Variants in PLBD1 observed in about 807,000 individuals in gnomAD.
PLBD1 encodes the protein phospholipase B domain containing 1.
A neutral mutation model predicts 63.0 loss-of-function variants in PLBD1; 60 were observed. The ratio of observed to expected loss-of-function variants is 0.95; its 90% CI spans 0.77 to 1.18. The LOEUF is 1.18. Among genes scored for constraint, PLBD1 ranks in the 50% most tolerant of loss-of-function variants. The pLI is 0.00. For missense variants in PLBD1, 598 were observed against 677.9 expected (o/e 0.88, Z 1.31); for synonymous variants, 262 against 248.0 (o/e 1.06, Z -0.53).
intron 1 of PLBD1, among the ~76,000 whole-genome samples, chr12:14,558,146 T>C (rs1945721062): frequency 6.6e-6 from 1 of 151,500 alleles, no homozygotes. Context: ...GGCTCGGTGA[T>C]AGGCTGGGGC....
intron 6 of PLBD1, among the ~76,000 whole-genome samples, chr12:14,518,231 G>A (rs777937466): frequency 6.6e-6 from 1 of 152,124 alleles, no homozygotes. Context: ...ACAGTGTCAG[G>A]GACAGAGCCA....
Position 14,567,734 on chromosome 12 carries a change from G to C in PLBD1, c.-38C>G. On this transcript the variant is annotated 5_prime_UTR_variant, in exon 1 of 11. Coordinates refer to ENST00000240617, the MANE Select transcript of PLBD1 (RefSeq NM_024829.6). ...GCGACCTTCCTCTGCGGGATCAGGC[G>C]GCCGCGGTGGCCCGCGGTGGCAGAA... 1 of 1,387,122 alleles carries C rather than the reference G, an allele frequency of 7.2e-7. No individual in the cohort carries two copies. Among genetic ancestry groups the C allele is most frequent in the Non-Finnish European group, 9.2e-7 (1 of 1,082,532 alleles). 85.9% of individuals were successfully genotyped at this position (1,387,122 alleles called of 1,614,324 possible).
At chr12:14,509,495 A>C (rs952219651) in intron 8 of PLBD1, among the ~76,000 whole-genome samples, 1 of 151,320 alleles carries the variant, frequency 6.6e-6, no homozygotes, top group African/African-American at 2.5e-5. Context: ...TTTTCCTAAC[A>C]AGCAAAGAAG....
At chr12:14,564,488 G>A (rs960957267) in intron 1 of PLBD1, among the ~76,000 whole-genome samples, 7 of 152,204 alleles carry the variant, frequency 4.6e-5, no homozygotes, top group Non-Finnish European at 1.0e-4. Context: ...ATGCCTACCA[G>A]GAGACAGACA....
intron 6 of PLBD1, chr12:14,530,155 C>T (rs1945448175): frequency 6.6e-6 from 1 of 152,222 alleles, no homozygotes; most frequent in South Asian, 2.1e-4. Context: ...AGCCAGGGGT[C>T]TTGCCATGAA....
rs549131888 is a variant in PLBD1 at position 14,513,576 on chromosome 12, G to A, written c.845-1865C>T. Among the ~76,000 whole-genome samples, 10 of 152,292 alleles carry A rather than the reference G, an allele frequency of 6.6e-5. No individual in the cohort carries two copies. In the South Asian group the frequency reaches 2.1e-3, roughly 32 times the overall value. The stretch of plus-strand genomic sequence containing the variant: ...CCGGAGGTAAGAGCATGGACTGGGA[G>A]TCAGAAGACCTGCATTTTAGTTTCC... On this transcript the variant is annotated intron_variant, in intron 6 of 10. Transcript: ENST00000240617.
intron 2 of PLBD1, among the ~76,000 whole-genome samples, chr12:14,550,446 GT>G (rs1347545702): frequency 5.9e-5 from 9 of 152,142 alleles, no homozygotes; most frequent in Non-Finnish European, 1.2e-4. Context: ...TGACTTATAC[GT>G]GTCAACTTTT....
intron 6 of PLBD1, among the ~76,000 whole-genome samples, chr12:14,519,394 G>A (rs1362213844): frequency 1.3e-5 from 2 of 152,130 alleles, no homozygotes; most frequent in East Asian, 3.9e-4. Flanking sequence ...GCCGAGGCAG[G>A]TGGATCATGA....
At chr12:14,556,050 G>A (rs1270262464) in intron 1 of PLBD1, among the ~76,000 whole-genome samples, 1 of 152,188 alleles carries the variant, frequency 6.6e-6, no homozygotes, top group African/African-American at 2.4e-5. Flanking sequence ...ATGGAGAAAG[G>A]AAATGGTAAA....
At chr12:14,505,902 A>C (rs1051263711) in intron 10 of PLBD1, among the ~76,000 whole-genome samples, 4 of 152,240 alleles carry the variant, frequency 2.6e-5, no homozygotes, top group African/African-American at 9.6e-5. Context: ...AGAACAACAT[A>C]TGAGGTAAGT....
intron 2 of PLBD1, among the ~76,000 whole-genome samples, chr12:14,547,322 G>A (rs76654191): frequency 0.03 from 4,584 of 151,978 alleles, 235 homozygotes; most frequent in African/African-American, 0.11. Flanking sequence ...CACACACAGG[G>A]GCTCCAAGGA....
At chr12:14,511,150 T>TC (rs1945294964) in intron 8 of PLBD1, 110 bp downstream of exon 8, 18 of 1,095,346 alleles carry the variant, frequency 1.6e-5, no homozygotes, top group East Asian at 2.5e-5. Flanking sequence ...CATCCTGTCT[T>TC]CCCCACCATA....
intron 6 of PLBD1, chr12:14,533,310 T>C (rs1028237283): frequency 6.6e-6 from 1 of 152,248 alleles, no homozygotes; most frequent in Non-Finnish European, 1.5e-5. Context: ...AGAGAAAATA[T>C]GAATCCCACT....
chr12:14,520,819 TA>T (rs1945369041), intron 6 of PLBD1, among the ~76,000 whole-genome samples: 1 of 152,222 alleles, frequency 6.6e-6, no homozygotes, highest in Non-Finnish European at 1.5e-5. Flanking sequence ...TGCAAACACC[TA>T]CAGTCTTTGC....
chr12:14,566,480 C>T (rs1945783048), intron 1 of PLBD1, among the ~76,000 whole-genome samples: 1 of 152,136 alleles, frequency 6.6e-6, no homozygotes, highest in Non-Finnish European at 1.5e-5. Flanking sequence ...AAAATTAATT[C>T]TCTTATTATT....
In PLBD1 at chr12:14,540,853, A is replaced by C; in HGVS notation, c.469T>G (p.Ser157Ala). 2 of 1,611,622 alleles carry C rather than the reference A, an allele frequency of 1.2e-6. No individual in the cohort carries two copies. Among genetic ancestry groups the C allele is most frequent in the Non-Finnish European group, 1.7e-6 (2 of 1,178,336 alleles). The change falls in exon 4 of 11, where the codon TCA (serine) becomes GCA (alanine). Residue 157 changes from serine to alanine, a missense_variant. Physicochemically the swap from Ser to Ala is moderately conservative, Grantham distance 99. Coordinates refer to ENST00000240617, the MANE Select transcript of PLBD1 (RefSeq NM_024829.6). ...RKNIKEYKTD[S>A]FWRHTGYVMA... ...ACATAGCCTGTATGTCTCCAAAATG[A>C]ATCAGTCTTGTATTCTTTGATATTT...
intron 2 of PLBD1, among the ~76,000 whole-genome samples, chr12:14,548,308 T>G (rs941113524): frequency 1.3e-5 from 2 of 151,528 alleles, no homozygotes; most frequent in African/African-American, 4.9e-5. Context: ...AATACAAAAA[T>G]TAGCTGGGAG....
chr12:14,558,141 G>C (rs761943286), intron 1 of PLBD1, among the ~76,000 whole-genome samples: 5 of 151,702 alleles, frequency 3.3e-5, no homozygotes, highest in South Asian at 2.1e-4. Context: ...CCCGGGGCTC[G>C]GTGATAGGCT....
At chr12:14,565,037 G>A (rs530466584) in intron 1 of PLBD1, among the ~76,000 whole-genome samples, 28 of 152,252 alleles carry the variant, frequency 1.8e-4, no homozygotes, top group African/African-American at 6.3e-4. Flanking sequence ...TTTTGGTCTG[G>A]AAAGATAAAC....
Sources: gnomAD v4.1 joint callset for allele counts (sites outside exome capture counted in the v4.1 genomes callset) on GRCh38, gnomAD v4.1.1 for gene constraint, MANE v1.5 for transcripts, NCBI Gene and HGNC (gene_info 2026-07-23, HGNC 2026-07-21) for gene names.